Variants in CNOT10 observed in about 807,000 individuals in gnomAD.
The protein encoded by CNOT10 is CCR4-NOT transcription complex subunit 10.
In CNOT10, 30 loss-of-function variants were observed where a neutral mutation model predicts 94.6. The observed-to-expected ratio is 0.32, with a 90% CI of 0.24 to 0.43. The LOEUF (loss-of-function observed/expected upper bound fraction) is 0.43, where lower values mean the gene tolerates loss of function less well. Ranked by LOEUF, CNOT10 falls within the 20% of genes least tolerant of loss-of-function variation. The pLI, the probability that CNOT10 is intolerant of heterozygous loss-of-function variation, is 1.00. For missense variants in CNOT10, 759 were observed against 877.2 expected (o/e 0.87, Z 1.70); for synonymous variants, 289 against 301.6 (o/e 0.96, Z 0.43).
intron 13 of CNOT10, among the ~76,000 whole-genome samples, chr3:32,741,585 T>C (rs1212242451): frequency 5.9e-5 from 9 of 151,806 alleles, no homozygotes; most frequent in Non-Finnish European, 8.8e-5. Context: ...CTGGCCAACA[T>C]AGTGAAACCC....
chr3:32,707,409 G>A (rs771751300), intron 3 of CNOT10, among the ~76,000 whole-genome samples: 22 of 151,628 alleles, frequency 1.5e-4, no homozygotes, highest in Non-Finnish European at 2.5e-4. Context: ...TCTTTTTTAC[G>A]GGAACGAAAC....
At chr3:32,722,742 G>T (rs1284168146) in intron 8 of CNOT10, among the ~76,000 whole-genome samples, 1 of 151,702 alleles carries the variant, frequency 6.6e-6, no homozygotes, top group East Asian at 1.9e-4. Flanking sequence ...CCAGCACATT[G>T]GGAGACTGAG....
Position 32,773,578 on chromosome 3 carries a change from A to T in CNOT10, c.2202A>T (p.Gln734His). Reference protein sequence around the residue: ...FQPVHPIQPIQMPAFTTVQRK With the variant: ...FQPVHPIQPIHMPAFTTVQRK Reference sequence around the variant, plus strand: ...CTGTCCACCCGATCCAGCCCATCCAAATGCCGGCTTTCACCACTGTGCAGA... The same window carrying T: ...CTGTCCACCCGATCCAGCCCATCCATATGCCGGCTTTCACCACTGTGCAGA... Residue 734 changes from glutamine to histidine, a missense_variant, in exon 19 of 19, where the codon CAA (glutamine) becomes CAT (histidine). Around this residue, in one of 3 missense-constraint regions of CNOT10, gnomAD observed 73 missense variants for 61.0 expected, o/e 1.20. Transcript: ENST00000328834. 2 of 1,613,964 alleles carry T rather than the reference A, an allele frequency of 1.2e-6. No homozygotes were observed. The highest frequency in any genetic ancestry group is 2.7e-5 in the African/African-American group (2 of 75,030).
At chr3:32,723,165 G>A (rs780188151) in intron 8 of CNOT10, among the ~76,000 whole-genome samples, 9 of 151,798 alleles carry the variant, frequency 5.9e-5, no homozygotes, top group Non-Finnish European at 8.8e-5. Flanking sequence ...AGGCTGAGGC[G>A]GGCAGATCAC....
At chr3:32,726,490 CGA>C (rs1698669617) in intron 9 of CNOT10, among the ~76,000 whole-genome samples, 1 of 152,008 alleles carries the variant, frequency 6.6e-6, no homozygotes, top group South Asian at 2.1e-4. Flanking sequence ...GTCAGGAGAT[CGA>C]GACCATCCTG....
chr3:32,764,932 C>A, intron 17 of CNOT10, 123 bp downstream of exon 17: 1 of 1,506,964 alleles, frequency 6.6e-7, no homozygotes, highest in African/African-American at 1.4e-5. Flanking sequence ...TATCACTTTC[C>A]CAGATATAAA....
chr3:32,759,474 T>C lies in CNOT10; in HGVS notation c.1612T>C (p.Cys538Arg). ...LENLKCSILA[C>R]SAYVALALGD... ...GTGTTATAGGTGCTCCATACTTGCT[T>C]GCAGTGCCTACGTGGCTCTGGCTTT... The change falls in exon 14 of 19, where the codon TGC becomes CGC. Residue 538 changes from cysteine to arginine, a missense_variant. Around this residue, in one of 3 missense-constraint regions of CNOT10, gnomAD observed 682 missense variants for 799.4 expected, o/e 0.85. Coordinates refer to ENST00000328834, the MANE Select transcript of CNOT10 (RefSeq NM_015442.3). 6.2e-7 allele frequency: 1 copy of C among 1,613,698 alleles called. No homozygotes were observed. The highest frequency in any genetic ancestry group is 8.5e-7 in the Non-Finnish European group (1 of 1,179,710).
In CNOT10 at chr3:32,762,878, C is replaced by G; in HGVS notation, c.1840+15C>G. On this transcript the variant is annotated intron_variant, in intron 15 of 18. Coordinates refer to ENST00000328834, the MANE Select transcript of CNOT10 (RefSeq NM_015442.3). ...GCAGGACCAAGGTTAATGAGGACAT[C>G]TTTGATCAGAACTGGTCACTGTTTC... The G allele has an allele frequency of 6.6e-7, 1 of 1,525,172 alleles. No individual in the cohort carries two copies. 94.5% of individuals were successfully genotyped at this position (1,525,172 alleles called of 1,614,324 possible). A position where few individuals can be genotyped will look rare whatever the true frequency, so the allele number is the denominator to read the frequency against.
Position 32,711,319 on chromosome 3 carries a change from A to C in CNOT10, c.431-1908A>C, listed in dbSNP as rs183184580. 3.9e-5 allele frequency among the ~76,000 whole-genome samples: 6 copies of C among 152,308 alleles called. No homozygotes were observed. In the East Asian group the frequency reaches 1.2e-3, roughly 29 times the overall value. On this transcript the variant is annotated intron_variant, in intron 4 of 18. Transcript: ENST00000328834. ...AGTCTCTGTGTATGTCCTCCTGTAC[A>C]TTTTAAATAATCGCTAAATTACTTA...
intron 12 of CNOT10, among the ~76,000 whole-genome samples, chr3:32,736,072 T>C (rs1699173672): frequency 6.6e-6 from 1 of 151,922 alleles, no homozygotes; most frequent in East Asian, 1.9e-4. Flanking sequence ...TGTTTTCTTT[T>C]TGTTTTGTTT....
At chr3:32,701,606 G>T (rs1026083165) in intron 1 of CNOT10, among the ~76,000 whole-genome samples, 60 of 152,196 alleles carry the variant, frequency 3.9e-4, no homozygotes, top group African/African-American at 1.2e-3. Context: ...TTATTTAAAA[G>T]TGTGTAGCAC....
intron 1 of CNOT10, among the ~76,000 whole-genome samples, chr3:32,687,039 G>A: frequency 6.6e-6 from 1 of 152,002 alleles, no homozygotes; most frequent in Middle Eastern, 3.2e-3. Flanking sequence ...AGTGATTAGG[G>A]GACTGTTTTT....
At chr3:32,753,918 T>C in intron 13 of CNOT10, 2 of 1,019,482 alleles carry the variant, frequency 2.0e-6, no homozygotes. Context: ...TAATTTGCTC[T>C]CACACACACA....
At chr3:32,753,187 C>G in intron 13 of CNOT10, 2 of 662,402 alleles carry the variant, frequency 3.0e-6, no homozygotes, top group Non-Finnish European at 5.7e-6. Context: ...ATGAAAAAAA[C>G]TATGCTGCTG....
In CNOT10 at chr3:32,716,250, G is replaced by A. The variant is rs1306140531; in HGVS notation, c.599G>A (p.Gly200Glu). Residue 200 changes from glycine to glutamate, a missense_variant, in exon 6 of 19, where the codon GGA (glycine) becomes GAA (glutamate). Gly to Glu is a moderately conservative substitution (Grantham distance 98). Transcript: ENST00000328834. ...NETGNNNNKD[G>E]SNHKAESGAL... is the part of the protein sequence containing the mutation. ...ACTGGTAATAACAACAACAAAGATG[G>A]ATCTAATCATAAAGCTGAAAGTGGA... 1 of 1,599,438 alleles carries A rather than the reference G, an allele frequency of 6.3e-7. No homozygotes were observed. The highest frequency in any genetic ancestry group is 1.3e-5 in the African/African-American group (1 of 74,272).
At chr3:32,735,073 G>T in intron 12 of CNOT10, 97 bp downstream of exon 12, 1 of 1,022,156 alleles carries the variant, frequency 9.8e-7, no homozygotes, top group Non-Finnish European at 1.4e-6. Flanking sequence ...TCTTCAACCT[G>T]AATTTCTGAA....
chr3:32,760,537 C>T (rs752683476), intron 14 of CNOT10, among the ~76,000 whole-genome samples: 1 of 152,062 alleles, frequency 6.6e-6, no homozygotes, highest in African/African-American at 2.4e-5. Flanking sequence ...GAAGTTGAAA[C>T]AGGAGAATCA....
At chr3:32,685,626 C>T (rs1696562494) in intron 1 of CNOT10, 144 bp downstream of exon 1, 1 of 882,604 alleles carries the variant, frequency 1.1e-6, no homozygotes, top group Non-Finnish European at 1.7e-6. Flanking sequence ...TCCTCTGTCT[C>T]GGCTGTCGCT....
At chr3:32,700,898 A>G (rs556932873) in intron 1 of CNOT10, among the ~76,000 whole-genome samples, 5 of 152,334 alleles carry the variant, frequency 3.3e-5, no homozygotes, top group African/African-American at 1.2e-4. Flanking sequence ...AAGAAACAGA[A>G]TATTCTTTGG....
Sources: allele counts gnomAD v4.1 joint callset (sites outside exome capture counted in the v4.1 genomes callset), GRCh38; gene constraint gnomAD v4.1.1; regional missense constraint gnomAD v4.1.1; transcripts MANE v1.5; gene names NCBI Gene and HGNC (gene_info 2026-07-23, HGNC 2026-07-21).